The following HTR7 variants were observed in gnomAD, a reference collection of about 807,000 sequenced individuals.
HTR7 encodes 5-hydroxytryptamine receptor 7.
Under a neutral mutation model 34.0 loss-of-function variants are expected in HTR7, and 16 were observed. The ratio of observed to expected loss-of-function variants is 0.47; its 90% CI spans 0.32 to 0.71. HTR7 has a LOEUF of 0.71. HTR7 is among the 30% of genes least tolerant of loss of function. The probability of loss-of-function intolerance (pLI) is 0.04; values close to 1 mark genes in which losing one functional copy is unlikely to be tolerated. For synonymous variants in HTR7, 265 were observed against 260.2 expected (o/e 1.02, Z -0.18); for missense variants, 504 against 625.5 (o/e 0.81, Z 2.07).
chr10:90,778,673 GT>G (rs1399781363), intron 1 of HTR7, among the ~76,000 whole-genome samples: 2 of 152,190 alleles, frequency 1.3e-5, no homozygotes, highest in African/African-American at 4.8e-5. Context: ...TTTAAATGAA[GT>G]GGGGTCTCCC....
chr10:90,787,348 T>A (rs1359877690), intron 1 of HTR7, among the ~76,000 whole-genome samples: 11 of 152,046 alleles, frequency 7.2e-5, no homozygotes, highest in African/African-American at 2.7e-4. Flanking sequence ...ATTAGCTGTG[T>A]GTGGTGGCAC....
At chr10:90,853,465 C>CTTTTT (rs201331383) in intron 1 of HTR7, among the ~76,000 whole-genome samples, 2 of 143,890 alleles carry the variant, frequency 1.4e-5, no homozygotes, top group African/African-American at 2.6e-5. Flanking sequence ...TGTTTCTTTT[C>CTTTTT]TTTTCTTTTT....
At chr10:90,809,772 T>C (rs1281154225) in intron 1 of HTR7, among the ~76,000 whole-genome samples, 1 of 152,214 alleles carries the variant, frequency 6.6e-6, no homozygotes, top group Non-Finnish European at 1.5e-5. Context: ...ACGTCCCATC[T>C]GTGCAGGACC....
intron 1 of HTR7, among the ~76,000 whole-genome samples, chr10:90,835,315 T>C (rs1159509647): frequency 2.0e-5 from 3 of 152,166 alleles, no homozygotes; most frequent in African/African-American, 4.8e-5. Context: ...AAGACCTTAA[T>C]GACAGAACAT....
At chr10:90,810,562 T>A (rs1309222728) in intron 1 of HTR7, among the ~76,000 whole-genome samples, 2 of 152,346 alleles carry the variant, frequency 1.3e-5, no homozygotes, top group East Asian at 3.9e-4. Flanking sequence ...TAGTTCAGGA[T>A]CTGTGCCTTA....
At chr10:90,821,172 C>A (rs1266377161) in intron 1 of HTR7, among the ~76,000 whole-genome samples, 1 of 150,140 alleles carries the variant, frequency 6.7e-6, no homozygotes, top group Admixed American at 6.6e-5. Flanking sequence ...TCATAAGAAC[C>A]AAACATTAAG....
At chr10:90,809,715 GGCCA>G (rs1845771530) in intron 1 of HTR7, among the ~76,000 whole-genome samples, 1 of 152,166 alleles carries the variant, frequency 6.6e-6, no homozygotes, top group Non-Finnish European at 1.5e-5. Context: ...CCAGAAATCT[GGCCA>G]CCAGGCCAAG....
intron 1 of HTR7, among the ~76,000 whole-genome samples, chr10:90,762,614 T>C (rs1844958075): frequency 6.6e-6 from 1 of 152,192 alleles, no homozygotes; most frequent in Non-Finnish European, 1.5e-5. Context: ...TGTTTCCTTT[T>C]ATGTGAAGAA....
intron 1 of HTR7, among the ~76,000 whole-genome samples, chr10:90,777,786 G>A (rs1412313435): frequency 6.6e-6 from 1 of 152,224 alleles, no homozygotes; most frequent in African/African-American, 2.4e-5. Flanking sequence ...GCACAATTCA[G>A]GGAAACAAGG....
At chr10:90,743,795 C>A in intron 2 of HTR7, 105 bp from the exon 3 acceptor site, 2 of 877,732 alleles carry the variant, frequency 2.3e-6, no homozygotes, top group South Asian at 2.8e-5. Context: ...TTTATATTAC[C>A]AATCTGTGAA....
rs1845556107 is a variant in HTR7, at chr10:90,797,312, T to C, written c.540-47718A>G. ...AGGAAACTATTTTCTTCCTCCACCA[T>C]GAAGCTCTGGCTCCAATGTATTCCT... On this transcript the variant is annotated intron_variant, in intron 1 of 3. Transcript: ENST00000336152. Among the ~76,000 whole-genome samples, 8 of 152,320 alleles carry C rather than the reference T, an allele frequency of 5.3e-5. No homozygotes were observed. The South Asian group carries it at 1.4e-3, about 28-fold the overall frequency.
intron 1 of HTR7, among the ~76,000 whole-genome samples, chr10:90,849,809 T>A (rs1336839061): frequency 6.6e-6 from 1 of 152,206 alleles, no homozygotes; most frequent in African/African-American, 2.4e-5. Context: ...AAAAGCTGGA[T>A]AAAGCACAAA....
intron 1 of HTR7, among the ~76,000 whole-genome samples, chr10:90,779,371 T>C (rs1845271095): frequency 6.6e-6 from 1 of 152,178 alleles, no homozygotes; most frequent in South Asian, 2.1e-4. Context: ...AAGTGGGCAA[T>C]GTTCTGTCCC....
At chr10:90,767,712 T>C (rs372182407) in intron 1 of HTR7, among the ~76,000 whole-genome samples, 1 of 152,156 alleles carries the variant, frequency 6.6e-6, no homozygotes, top group Non-Finnish European at 1.5e-5. Flanking sequence ...TGCATTTAGC[T>C]GGTATTTGGT....
chr10:90,763,231 G>C (rs1844967845), intron 1 of HTR7, among the ~76,000 whole-genome samples: 1 of 152,028 alleles, frequency 6.6e-6, no homozygotes, highest in South Asian at 2.1e-4. Flanking sequence ...GATTTTATGG[G>C]CATTTTAACA....
At chr10:90,787,383 G>A (rs1845396417) in intron 1 of HTR7, among the ~76,000 whole-genome samples, 1 of 152,086 alleles carries the variant, frequency 6.6e-6, no homozygotes, top group Admixed American at 6.6e-5. Flanking sequence ...AGCTACTCGG[G>A]AGACAGAGAC....
intron 1 of HTR7, among the ~76,000 whole-genome samples, chr10:90,800,363 C>G (rs887566226): frequency 6.6e-6 from 1 of 151,930 alleles, no homozygotes. Flanking sequence ...TGAATAGAAC[C>G]CCTCTTGGCC....
At chr10:90,845,974 C>T (rs1846408583) in intron 1 of HTR7, among the ~76,000 whole-genome samples, 1 of 151,896 alleles carries the variant, frequency 6.6e-6, no homozygotes, top group African/African-American at 2.4e-5. Context: ...TGCCTGTTCT[C>T]AAAATAGAAT....
chr10:90,845,623 G>A (rs920892426), intron 1 of HTR7, among the ~76,000 whole-genome samples: 4 of 152,164 alleles, frequency 2.6e-5, no homozygotes, highest in African/African-American at 4.8e-5. Flanking sequence ...AGCACAAAAC[G>A]CATTCATAAA....
Sources: allele counts gnomAD v4.1 joint callset (sites outside exome capture counted in the v4.1 genomes callset), GRCh38; gene constraint gnomAD v4.1.1; transcripts MANE v1.5; gene names NCBI Gene and HGNC (gene_info 2026-07-23, HGNC 2026-07-21).